LOC728743: variants seen among roughly 807,000 people sequenced by gnomAD.
chr7:150,407,617 C>T, the LOC728743 span: 46 of 398,848 alleles, frequency 1.2e-4, no homozygotes, highest in African/African-American at 6.0e-4. Flanking sequence ...TGCCCATGAC[C>T]GAGCTGGCGT....
chr7:150,411,872 C>G, the LOC728743 span: 1 of 152,798 alleles, frequency 6.5e-6, no homozygotes, highest in African/African-American at 2.4e-5. Context: ...CCCTATACTG[C>G]TCGGACATGT....
the LOC728743 span, among the ~76,000 whole-genome samples, chr7:150,409,728 T>G: frequency 1.3e-5 from 2 of 151,788 alleles, no homozygotes; most frequent in East Asian, 3.9e-4. Context: ...TGGGAGTGGT[T>G]TGGGAGGAAG....
chr7:150,401,445 T>TG, the LOC728743 span, among the ~76,000 whole-genome samples: 1 of 151,448 alleles, frequency 6.6e-6, no homozygotes, highest in Non-Finnish European at 1.5e-5. Context: ...TGGGTGGGAG[T>TG]GGGGGATGTG....
chr7:150,408,118 C>G, the LOC728743 span: 20 of 383,468 alleles, frequency 5.2e-5, no homozygotes, highest in Non-Finnish European at 8.8e-5. Flanking sequence ...ACTTCTGCCC[C>G]CGCTGCGGCA....
the LOC728743 span, chr7:150,404,705 T>G: frequency 6.6e-6 from 1 of 152,434 alleles, no homozygotes; most frequent in African/African-American, 2.4e-5. Flanking sequence ...ATCTCTGGCT[T>G]GACTGCGGGT....
chr7:150,405,638 CAG>C, the LOC728743 span: 1 of 152,056 alleles, frequency 6.6e-6, no homozygotes, highest in African/African-American at 2.4e-5. Context: ...GGTTGCGACG[CAG>C]AGTTTACCAT....
chr7:150,401,976 A>G, the LOC728743 span, among the ~76,000 whole-genome samples: 1 of 152,170 alleles, frequency 6.6e-6, no homozygotes, highest in Non-Finnish European at 1.5e-5. Context: ...GGAGAGCCAG[A>G]TAGTTCTGGG....
At chr7:150,410,495 C>T in the LOC728743 span, 1 of 314,514 alleles carries the variant, frequency 3.2e-6, no homozygotes, top group Non-Finnish European at 5.8e-6. Flanking sequence ...GCTGGCTTCT[C>T]TGCTCCCGCC....
the LOC728743 span, among the ~76,000 whole-genome samples, chr7:150,401,325 G>C: frequency 6.6e-6 from 1 of 152,244 alleles, no homozygotes; most frequent in Non-Finnish European, 1.5e-5. Context: ...CCAGTCCCGG[G>C]GAGCTGCCTG....
chr7:150,404,031 G>A, the LOC728743 span, among the ~76,000 whole-genome samples: 1 of 152,208 alleles, frequency 6.6e-6, no homozygotes, highest in Non-Finnish European at 1.5e-5. Context: ...GACCCTCATG[G>A]TATCGGGAGG....
the LOC728743 span, chr7:150,411,152 C>T: frequency 6.6e-6 from 1 of 152,340 alleles, no homozygotes; most frequent in African/African-American, 2.4e-5. Flanking sequence ...GCTCTGATTT[C>T]ACTGTGTGGT....
the LOC728743 span, chr7:150,407,968 C>T: frequency 2.5e-6 from 1 of 404,198 alleles, no homozygotes; most frequent in Non-Finnish European, 4.4e-6. Flanking sequence ...GCATCCACAG[C>T]GGCGAGAAGC....
the LOC728743 span, chr7:150,407,650 G>T: frequency 2.5e-6 from 1 of 399,102 alleles, no homozygotes; most frequent in Non-Finnish European, 4.4e-6. Context: ...GGTCCCCTGC[G>T]GGGGACGGGG....
the LOC728743 span, chr7:150,407,949 C>T: frequency 2.4e-6 from 1 of 408,240 alleles, no homozygotes. Flanking sequence ...AACCTGCTCA[C>T]GCACCAGCGC....
At chr7:150,406,339 T>G in the LOC728743 span, among the ~76,000 whole-genome samples, 1 of 151,816 alleles carries the variant, frequency 6.6e-6, no homozygotes, top group Non-Finnish European at 1.5e-5. Flanking sequence ...GAGCCCAAGT[T>G]TTGGTGGGGG....
At chr7:150,408,957 C>T in the LOC728743 span, among the ~76,000 whole-genome samples, 11 of 152,214 alleles carry the variant, frequency 7.2e-5, no homozygotes, top group Admixed American at 7.2e-4. Flanking sequence ...ACCGCAGGCC[C>T]TGACACGGGG....
the LOC728743 span, among the ~76,000 whole-genome samples, chr7:150,408,897 A>T: frequency 6.6e-6 from 1 of 152,088 alleles, no homozygotes; most frequent in Non-Finnish European, 1.5e-5. Flanking sequence ...CTGCCACACC[A>T]TGTGCCACTG....
chr7:150,407,497 C>T, the LOC728743 span: 12 of 397,690 alleles, frequency 3.0e-5, no homozygotes, highest in Non-Finnish European at 5.3e-5. Flanking sequence ...GTGAGTGTCC[C>T]TGCCAGGCTG....
the LOC728743 span, among the ~76,000 whole-genome samples, chr7:150,402,663 G>A: frequency 6.6e-6 from 1 of 152,216 alleles, no homozygotes; most frequent in East Asian, 1.9e-4. Context: ...TGGAGAGAGG[G>A]ATCAGACTGC....
Sources: gnomAD v4.1 joint callset for allele counts (sites outside exome capture counted in the v4.1 genomes callset) on GRCh38, gnomAD v4.1.1 for gene constraint, MANE v1.5 for transcripts.